COL6A3: variants seen among roughly 807,000 people sequenced by gnomAD.
The protein encoded by COL6A3 is collagen type VI alpha 3 chain, also known as collagen alpha-3(VI) chain.
COL6A3 carries 137 observed loss-of-function variants against 274.1 expected under a neutral mutation model. The ratio of observed to expected loss-of-function variants is 0.50; its 90% CI spans 0.44 to 0.58. The LOEUF is 0.58. Among genes scored for constraint, COL6A3 ranks in the 20% least tolerant of loss-of-function variants. COL6A3 has a pLI of 0.00. For synonymous variants in COL6A3, 1,650 were observed against 1,650.6 expected (o/e 1.00, Z 0.01); for missense variants, 3,950 against 4,124.9 (o/e 0.96, Z 1.16).
At chr2:237,342,489 C>T (rs1034166919) in intron 36 of COL6A3, 4 of 330,294 alleles carry the variant, frequency 1.2e-5, no homozygotes, top group South Asian at 1.0e-4. Context: ...ACTGGTGTAT[C>T]CTCTGGCAAA....
rs1424747692 is a variant in COL6A3, at chr2:237,342,287, G to T, written c.7669-126C>A. On this transcript the variant is annotated intron_variant, in intron 36 of 43. Coordinates refer to ENST00000295550, the MANE Select transcript of COL6A3 (RefSeq NM_004369.4). ...TTAACTTCCCAATAGGGCAGTATTG[G>T]GAATATCTTCTCATTTGGGGGTGGG... is the stretch of plus-strand genomic sequence containing the variant. 3 of 763,164 alleles carry T rather than the reference G, an allele frequency of 3.9e-6. No homozygotes were observed. In the Admixed American group the frequency reaches 6.0e-5, roughly 15 times the overall value. 47.3% of individuals were successfully genotyped at this position (763,164 alleles called of 1,614,324 possible).
intron 26 of COL6A3, among the ~76,000 whole-genome samples, chr2:237,351,932 T>C (rs1427616068): frequency 3.9e-5 from 6 of 152,354 alleles, no homozygotes; most frequent in African/African-American, 1.4e-4. Context: ...TTTTTGGTAA[T>C]AAATGATAGG....
At chr2:237,357,916 A>T (rs1408375475) in intron 21 of COL6A3, 34 bp from the exon 22 acceptor site, 2 of 1,595,162 alleles carry the variant, frequency 1.3e-6, no homozygotes, top group Admixed American at 1.7e-5. Context: ...AATGAGCCAC[A>T]TATGGAAGGA....
At chr2:237,400,502 GA>G (rs1158162597) in intron 1 of COL6A3, among the ~76,000 whole-genome samples, 5 of 150,528 alleles carry the variant, frequency 3.3e-5, no homozygotes, top group East Asian at 3.9e-4. Context: ...GGATAACCTA[GA>G]AAAAAAATAG....
Position 237,394,656 on chromosome 2 carries a change from C to A in COL6A3, c.640G>T (p.Val214Leu), listed in dbSNP as rs2078381875. 1 of 1,614,110 alleles carries A rather than the reference C, an allele frequency of 6.2e-7. No individual in the cohort carries two copies. Among genetic ancestry groups the A allele is most frequent in the African/African-American group, 1.3e-5 (1 of 74,936 alleles). ...TSLHDIVGNL[V>L]SCVHSSVSPE... ...CTCACGGATGAATGCACACAGGACA[C>A]TAAGTTTCCTACTATGTCATGAAGT... is the stretch of plus-strand genomic sequence containing the variant. Residue 214 changes from valine (V) to leucine (L), a missense_variant, in exon 3 of 44, where the codon GTG becomes TTG. Transcript: ENST00000295550.
rs749395620 is a variant in COL6A3, at chr2:237,387,636, C to G, written c.1258G>C (p.Val420Leu). The change falls in exon 4 of 44, where the codon GTT becomes CTT. Residue 420 changes from valine to leucine, a missense_variant. Val to Leu is a conservative substitution (Grantham distance 32, BLOSUM62 1). This residue lies in a region of COL6A3 where 1,934 missense variants were observed against 1,984.3 expected (regional missense o/e 0.97). Coordinates refer to ENST00000295550, the MANE Select transcript of COL6A3 (RefSeq NM_004369.4). ...DLQEKLLPYI[V>L]GVAQRHIVLK... Reference sequence around the variant, plus strand: ...ACAATGTGCCTTTGGGCCACGCCAACAATGTACGGCAGTAATTTCTCCTGG... The same window carrying G: ...ACAATGTGCCTTTGGGCCACGCCAAGAATGTACGGCAGTAATTTCTCCTGG... 1 of 1,613,804 alleles carries G rather than the reference C, an allele frequency of 6.2e-7. No individual in the cohort carries two copies. The highest frequency in any genetic ancestry group is 1.3e-5 in the African/African-American group (1 of 75,052).
chr2:237,410,586 T>G (rs1349969027), intron 1 of COL6A3, among the ~76,000 whole-genome samples: 1 of 152,124 alleles, frequency 6.6e-6, no homozygotes. Flanking sequence ...ATTACAGAGA[T>G]GAGCCACAGT....
chr2:237,338,887 C>T, intron 39 of COL6A3, 128 bp downstream of exon 39: 1 of 718,096 alleles, frequency 1.4e-6, no homozygotes, highest in South Asian at 1.7e-5. Flanking sequence ...GCATGACCCA[C>T]ATTACCTTTG....
chr2:237,324,890 C>A (rs1699857184), intron 43 of COL6A3, 76 bp from the exon 44 acceptor site: 8 of 1,445,012 alleles, frequency 5.5e-6, no homozygotes, highest in East Asian at 4.5e-5. Flanking sequence ...ATTACTGACC[C>A]AAAAGGGCAC....
At chr2:237,395,457 T>C (rs1024661629) in intron 2 of COL6A3, among the ~76,000 whole-genome samples, 1 of 152,198 alleles carries the variant, frequency 6.6e-6, no homozygotes, top group African/African-American at 2.4e-5. Flanking sequence ...GCCAGTAGCA[T>C]GCTCCAGATT....
intron 42 of COL6A3, 97 bp downstream of exon 42, chr2:237,333,353 A>T: frequency 8.9e-7 from 1 of 1,129,686 alleles, no homozygotes; most frequent in Non-Finnish European, 1.3e-6. Flanking sequence ...CATAGAAGTC[A>T]TGCCTGGGCT....
intron 42 of COL6A3, among the ~76,000 whole-genome samples, chr2:237,332,374 C>T (rs191472573): frequency 2.4e-4 from 36 of 151,974 alleles, no homozygotes; most frequent in African/African-American, 7.7e-4. Context: ...GAGAAGTTAA[C>T]CAATGAGTGA....
rs534012332 is a variant in COL6A3 at position 237,333,663 on chromosome 2, G to A, written c.9230-115C>T. 113 of 885,090 alleles carry A rather than the reference G, an allele frequency of 1.3e-4. 3 individuals carry two copies. The South Asian group carries it at 1.6e-3, about 12-fold the overall frequency. 54.8% of individuals were successfully genotyped at this position (885,090 alleles called of 1,614,324 possible). A position where few individuals can be genotyped will look rare whatever the true frequency, so the allele number is the denominator to read the frequency against. ...TGATTAATGTCTTATGTTGGGGAGT[G>A]GTGATTGAAAGACACAGATCCAAGA... On this transcript the variant is annotated intron_variant, in intron 41 of 43. Coordinates refer to ENST00000295550, the MANE Select transcript of COL6A3 (RefSeq NM_004369.4).
chr2:237,401,027 A>C (rs1296595469), intron 1 of COL6A3, among the ~76,000 whole-genome samples: 2 of 152,242 alleles, frequency 1.3e-5, no homozygotes, highest in Non-Finnish European at 2.9e-5. Context: ...AACATATTAC[A>C]AAATGGTGTA....
intron 12 of COL6A3, 60 bp downstream of exon 12, chr2:237,365,638 C>T: frequency 1.4e-6 from 2 of 1,478,970 alleles, no homozygotes; most frequent in Non-Finnish European, 1.9e-6. Flanking sequence ...GGGCTTCCTC[C>T]TTTCCAGTAA....
chr2:237,399,618 A>T (rs778114098), intron 1 of COL6A3, among the ~76,000 whole-genome samples: 102 of 152,360 alleles, frequency 6.7e-4, no homozygotes, highest in Non-Finnish European at 9.1e-4. Context: ...AATATACCTT[A>T]ATATATAGCA....
intron 27 of COL6A3, 128 bp downstream of exon 27, chr2:237,351,002 G>A: frequency 1.2e-6 from 1 of 864,406 alleles, no homozygotes; most frequent in Non-Finnish European, 2.0e-6. Flanking sequence ...GCGATCAACA[G>A]GGGAGGCTGG....
intron 1 of COL6A3, among the ~76,000 whole-genome samples, chr2:237,411,523 G>A (rs1200671565): frequency 6.6e-6 from 1 of 152,172 alleles, no homozygotes; most frequent in Non-Finnish European, 1.5e-5. Context: ...AGGCATCCAG[G>A]TCTATGGGTT....
rs72986111 is a variant in COL6A3 at position 237,348,585 on chromosome 2, G to A, written c.6930+28C>T. ...CTTGGAGCCTCCTGGCAGCAAGGAC[G>A]CTTGGATAATCCTCAGCAGATACGT... On this transcript the variant is annotated intron_variant, in intron 29 of 43. Coordinates refer to ENST00000295550, the MANE Select transcript of COL6A3 (RefSeq NM_004369.4). 0.034 allele frequency: 54,937 copies of A among 1,609,298 alleles called. 1,115 individuals carry two copies. Among genetic ancestry groups the A allele is most frequent in the South Asian group, 0.04 (3,581 of 90,622 alleles).
Sources: gnomAD v4.1 joint callset for allele counts (sites outside exome capture counted in the v4.1 genomes callset) on GRCh38, gnomAD v4.1.1 for gene constraint, gnomAD v4.1.1 regional missense constraint, MANE v1.5 for transcripts, NCBI Gene and HGNC (gene_info 2026-07-23, HGNC 2026-07-21) for gene names.